Variants in NCK1 observed in about 807,000 individuals in gnomAD.
The protein encoded by NCK1 is SH2/SH3 adapter protein NCK1.
A neutral mutation model predicts 36.6 loss-of-function variants in NCK1; 19 were observed. The observed-to-expected ratio is 0.52, with a 90% CI of 0.36 to 0.76. The LOEUF is 0.76. NCK1 is among the 30% of genes least tolerant of loss of function. NCK1 has a pLI of 0.00. For missense variants in NCK1, 358 were observed against 445.6 expected, an observed-to-expected ratio of 0.80 and a Z score of 1.77; for synonymous variants, 165 against 156.0, an observed-to-expected ratio of 1.06 and a Z score of -0.43.
intron 1 of NCK1, among the ~76,000 whole-genome samples, chr3:136,927,128 T>C (rs147204914): frequency 5.1e-4 from 77 of 152,072 alleles, no homozygotes; most frequent in African/African-American, 1.8e-3. Flanking sequence ...TGCGCCACCA[T>C]ACCTAGCTAA....
intron 1 of NCK1, among the ~76,000 whole-genome samples, chr3:136,882,304 A>C (rs986656760): frequency 6.6e-6 from 1 of 151,974 alleles, no homozygotes; most frequent in Non-Finnish European, 1.5e-5. Context: ...CTTGTTGGCT[A>C]TTTGTATATA....
intron 1 of NCK1, among the ~76,000 whole-genome samples, chr3:136,881,760 T>A (rs1938943998): frequency 6.6e-6 from 1 of 152,224 alleles, no homozygotes; most frequent in Admixed American, 6.5e-5. Flanking sequence ...TTGCTCTATG[T>A]ACCTCATATA....
intron 2 of NCK1, chr3:136,928,503 A>G: frequency 2.6e-6 from 1 of 380,538 alleles, no homozygotes; most frequent in South Asian, 4.4e-5. Flanking sequence ...TTTTTGAACC[A>G]TGAATCACTG....
chr3:136,901,215 T>C (rs531846343), intron 1 of NCK1, among the ~76,000 whole-genome samples: 1 of 152,260 alleles, frequency 6.6e-6, no homozygotes, highest in East Asian at 1.9e-4. Context: ...TATTTGTTGA[T>C]TTGTGTAACC....
At chr3:136,864,495 C>CAA (rs1171829431) in intron 1 of NCK1, among the ~76,000 whole-genome samples, 14 of 147,330 alleles carry the variant, frequency 9.5e-5, no homozygotes, top group African/African-American at 3.6e-4. Flanking sequence ...CACACACACA[C>CAA]AAAAAAAAAA....
chr3:136,869,896 T>C (rs971305678), intron 1 of NCK1, among the ~76,000 whole-genome samples: 5 of 152,186 alleles, frequency 3.3e-5, no homozygotes, highest in Admixed American at 6.5e-5. Context: ...ATTCCTGAAA[T>C]TGTAAGTAAT....
chr3:136,928,258 T>A (rs746401849), intron 2 of NCK1, 31 bp downstream of exon 2: 3 of 1,557,038 alleles, frequency 1.9e-6, no homozygotes, highest in Non-Finnish European at 2.6e-6. Context: ...AAAGCAACTT[T>A]GTTTTAAATG....
chr3:136,902,013 C>T (rs1346095966), intron 1 of NCK1, among the ~76,000 whole-genome samples: 2 of 151,874 alleles, frequency 1.3e-5, no homozygotes, highest in African/African-American at 4.8e-5. Context: ...CCTCTTTGCA[C>T]TGTTTTTGCT....
chr3:136,945,905 C>A lies in NCK1; in HGVS notation c.549C>A (p.Val183=). The A allele has an allele frequency of 1.2e-6, 2 of 1,614,040 alleles. No homozygotes were observed. The highest frequency in any genetic ancestry group is 2.2e-5 in the South Asian group (2 of 91,074). ...TGTCAGAGAAATTAGCAGCAGTCGT[C>A]AATAACCTAAATACTGGGCAAGTGT... ...GSLSEKLAAV[V]NNLNTGQVLH... is the part of the protein sequence containing the mutation. Residue 183 remains valine (V), a synonymous_variant, in exon 3 of 4, where the codon GTC becomes GTA. Coordinates refer to ENST00000481752, the MANE Select transcript of NCK1 (RefSeq NM_001291999.2).
chr3:136,915,180 G>A (rs1229554565), intron 1 of NCK1, among the ~76,000 whole-genome samples: 2 of 152,146 alleles, frequency 1.3e-5, no homozygotes, highest in Admixed American at 1.3e-4. Context: ...ACCTTAAGGA[G>A]GCTTCATCAA....
chr3:136,879,339 A>G (rs917611404), intron 1 of NCK1, among the ~76,000 whole-genome samples: 6 of 152,174 alleles, frequency 3.9e-5, no homozygotes, highest in Admixed American at 6.6e-5. Context: ...AATTCCCAGA[A>G]TCAAGGAACG....
intron 2 of NCK1, among the ~76,000 whole-genome samples, chr3:136,945,083 A>C (rs1257702052): frequency 6.6e-6 from 1 of 152,238 alleles, no homozygotes; most frequent in Non-Finnish European, 1.5e-5. Flanking sequence ...CAAGAAAGCA[A>C]ATGGGAAGAT....
chr3:136,878,266 G>A (rs571003492), intron 1 of NCK1, among the ~76,000 whole-genome samples: 30 of 152,176 alleles, frequency 2.0e-4, no homozygotes, highest in Admixed American at 1.5e-3. Flanking sequence ...CAAATTAGCC[G>A]GATGTGGTGG....
chr3:136,885,446 A>G (rs1939052596), intron 1 of NCK1, among the ~76,000 whole-genome samples: 1 of 152,138 alleles, frequency 6.6e-6, no homozygotes, highest in Non-Finnish European at 1.5e-5. Context: ...CTGGAACTAT[A>G]GGTGCATGCC....
chr3:136,883,169 C>T (rs1446234102), intron 1 of NCK1, among the ~76,000 whole-genome samples: 2 of 152,164 alleles, frequency 1.3e-5, no homozygotes, highest in Non-Finnish European at 2.9e-5. Flanking sequence ...GATCTGTCCA[C>T]CTTGGCCTCC....
At chr3:136,914,437 T>C (rs1393009968) in intron 1 of NCK1, among the ~76,000 whole-genome samples, 1 of 152,178 alleles carries the variant, frequency 6.6e-6, no homozygotes, top group Non-Finnish European at 1.5e-5. Context: ...CTAGTACAAT[T>C]GTTGTCTAGG....
chr3:136,893,613 T>C (rs1295540018), intron 1 of NCK1, among the ~76,000 whole-genome samples: 1 of 152,202 alleles, frequency 6.6e-6, no homozygotes, highest in Non-Finnish European at 1.5e-5. Context: ...GATTGTGTCT[T>C]TTGCTGTGCA....
chr3:136,931,150 G>GAACA (rs1256307776), intron 2 of NCK1, among the ~76,000 whole-genome samples: 1 of 152,022 alleles, frequency 6.6e-6, no homozygotes, highest in Non-Finnish European at 1.5e-5. Context: ...TGAGTTATGA[G>GAACA]AACAGCTATA....
chr3:136,895,866 G>C (rs1158707093), intron 1 of NCK1, among the ~76,000 whole-genome samples: 1 of 152,066 alleles, frequency 6.6e-6, no homozygotes, highest in African/African-American at 2.4e-5. Flanking sequence ...TGCCCAGTCT[G>C]TATGTTATTT....
Sources: gnomAD v4.1 joint callset for allele counts (sites outside exome capture counted in the v4.1 genomes callset) on GRCh38, gnomAD v4.1.1 for gene constraint, MANE v1.5 for transcripts, NCBI Gene and HGNC (gene_info 2026-07-23, HGNC 2026-07-21) for gene names.